The following SLC36A1 variants were observed in gnomAD, a reference collection of about 807,000 sequenced individuals.
SLC36A1 encodes proton-coupled amino acid transporter 1.
SLC36A1 carries 30 observed loss-of-function variants against 47.5 expected under a neutral mutation model. The ratio of observed to expected loss-of-function variants is 0.63; its 90% CI spans 0.47 to 0.86. SLC36A1 has a LOEUF of 0.86. Among genes scored for constraint, SLC36A1 ranks in the 40% least tolerant of loss-of-function variants. The probability of loss-of-function intolerance (pLI) is 0.00; values close to 1 mark genes in which losing one functional copy is unlikely to be tolerated. For missense variants in SLC36A1, 517 were observed against 606.0 expected (o/e 0.85, Z 1.54); for synonymous variants, 255 against 249.7 (o/e 1.02, Z -0.20).
At position 151,463,537 on chromosome 5, in the gene SLC36A1, C is replaced by T; in HGVS notation, c.144-16C>T. The T allele has an allele frequency of 1.3e-6, 2 of 1,593,710 alleles. No homozygotes were observed. The highest frequency in any genetic ancestry group is 1.7e-6 in the Non-Finnish European group (2 of 1,161,410). The stretch of plus-strand genomic sequence containing the variant: ...ACTGTCATGGTTATCATTTCCTTGG[C>T]TGTCTTCCACTTCAGATGGTTCCAG... On this transcript the variant is annotated splice_polypyrimidine_tract_variant and intron_variant, in intron 2 of 10. Transcript: ENST00000243389.
At chr5:151,501,012 G>A in the SLC36A1 span, among the ~76,000 whole-genome samples, 8 of 152,198 alleles carry the variant, frequency 5.3e-5, no homozygotes, top group Non-Finnish European at 7.4e-5. Flanking sequence ...TCCCCATCCA[G>A]GAGAATGGGA....
At chr5:151,553,588 G>A in the SLC36A1 span, among the ~76,000 whole-genome samples, 3 of 152,188 alleles carry the variant, frequency 2.0e-5, no homozygotes, top group Non-Finnish European at 4.4e-5. Context: ...TGAACAAAAC[G>A]TATAACCTGT....
At chr5:151,409,729 G>A in the SLC36A1 span, among the ~76,000 whole-genome samples, 7 of 152,116 alleles carry the variant, frequency 4.6e-5, no homozygotes, top group South Asian at 8.3e-4. Flanking sequence ...GTTCAATTGC[G>A]CTGGTCCAAA....
At chr5:151,443,225 T>TA (rs201159373), upstream of SLC36A1, among the ~76,000 whole-genome samples, 1,017 of 151,962 alleles carry the variant, frequency 6.7e-3, 9 homozygotes, top group African/African-American at 0.024. Context: ...CTGTTTTTTT[T>TA]AAAAAAAGAA....
chr5:151,356,446 G>A, the SLC36A1 span, among the ~76,000 whole-genome samples: 3 of 151,652 alleles, frequency 2.0e-5, no homozygotes, highest in South Asian at 2.1e-4. Context: ...CACCTCCTCC[G>A]AGCTGGAGCC....
At chr5:151,495,020 G>A (rs1371335139), downstream of SLC36A1, among the ~76,000 whole-genome samples, 3 of 152,198 alleles carry the variant, frequency 2.0e-5, no homozygotes, top group East Asian at 5.8e-4. Flanking sequence ...ATACCTAGAG[G>A]TGAAATGATG....
At chr5:151,517,511 C>T in the SLC36A1 span, 3 of 1,363,704 alleles carry the variant, frequency 2.2e-6, no homozygotes, top group East Asian at 4.6e-5. Flanking sequence ...GAAAACTGTG[C>T]AGGGATTTCT....
the SLC36A1 span, among the ~76,000 whole-genome samples, chr5:151,404,430 T>C: frequency 1.3e-5 from 2 of 152,296 alleles, no homozygotes; most frequent in Admixed American, 6.5e-5. Context: ...TTAATATTGA[T>C]AGGTGAGATT....
chr5:151,435,497 A>G (rs1759715891), upstream of SLC36A1, among the ~76,000 whole-genome samples: 1 of 152,204 alleles, frequency 6.6e-6, no homozygotes, highest in African/African-American at 2.4e-5. Context: ...ATAAAGTATT[A>G]TGGAGCATAA....
At chr5:151,357,079 C>T in the SLC36A1 span, among the ~76,000 whole-genome samples, 6 of 152,190 alleles carry the variant, frequency 3.9e-5, no homozygotes, top group Non-Finnish European at 8.8e-5. Flanking sequence ...CCCCATGTTA[C>T]AGATAAGGAA....
At chr5:151,536,093 A>G in the SLC36A1 span, among the ~76,000 whole-genome samples, 1 of 152,224 alleles carries the variant, frequency 6.6e-6, no homozygotes, top group African/African-American at 2.4e-5. Context: ...AACCAGTCAG[A>G]TAGAATATAT....
At chr5:151,389,314 G>A in the SLC36A1 span, among the ~76,000 whole-genome samples, 1 of 152,084 alleles carries the variant, frequency 6.6e-6, no homozygotes, top group African/African-American at 2.4e-5. Flanking sequence ...TTTGTAATCT[G>A]TGATATTTCT....
At chr5:151,529,724 A>G in the SLC36A1 span, among the ~76,000 whole-genome samples, 6 of 152,258 alleles carry the variant, frequency 3.9e-5, no homozygotes, top group Middle Eastern at 3.4e-3. Context: ...TATGATTCCC[A>G]TTTTCTAGGT....
chr5:151,366,947 G>T, the SLC36A1 span, among the ~76,000 whole-genome samples: 1 of 152,314 alleles, frequency 6.6e-6, no homozygotes, highest in South Asian at 2.1e-4. Flanking sequence ...AGGGGAGGGG[G>T]TGTAAGAACA....
At chr5:151,527,528 G>T in the SLC36A1 span, 1 of 657,914 alleles carries the variant, frequency 1.5e-6, no homozygotes, top group African/African-American at 1.8e-5. Flanking sequence ...TTAGGGCTTA[G>T]GTTCTGGAGT....
intron 2 of SLC36A1, among the ~76,000 whole-genome samples, chr5:151,461,994 C>A: frequency 6.7e-6 from 1 of 149,760 alleles, no homozygotes. Context: ...GAAAGAACAA[C>A]TAACAAACTG....
At chr5:151,517,488 A>T in the SLC36A1 span, 2 of 1,136,878 alleles carry the variant, frequency 1.8e-6, no homozygotes, top group Non-Finnish European at 2.5e-6. Context: ...CAACAGTCAC[A>T]CCCAGAATCC....
Position 151,492,052 on chromosome 5 carries a change from T to C in SLC36A1, c.*3798T>C, listed in dbSNP as rs758010167. On this transcript the variant is annotated 3_prime_UTR_variant, in exon 11 of 11. Transcript: ENST00000243389. ...ATCAGAGTAAGGAAGGTAGCAGATA[T>C]AGGTGCAGGGTGCCTGTCATTCACT... The C allele has an allele frequency of 1.3e-5, 2 of 152,188 alleles. No homozygotes were observed. Among genetic ancestry groups the C allele is most frequent in the African/African-American group, 2.4e-5 (1 of 41,442 alleles). 9.4% of individuals were successfully genotyped at this position (152,188 alleles called of 1,614,324 possible).
At chr5:151,441,893 T>C (rs534938755) in intron 1 of SLC36A1, among the ~76,000 whole-genome samples, 1 of 152,312 alleles carries the variant, frequency 6.6e-6, no homozygotes, top group East Asian at 1.9e-4. Context: ...ATTTGTCCCC[T>C]TGAAAATTTC....
Sources: gnomAD v4.1 joint callset for allele counts (sites outside exome capture counted in the v4.1 genomes callset) on GRCh38, gnomAD v4.1.1 for gene constraint, MANE v1.5 for transcripts, NCBI Gene and HGNC (gene_info 2026-07-23, HGNC 2026-07-21) for gene names.